DOP1B: variants seen among roughly 807,000 people sequenced by gnomAD.
DOP1B encodes protein DOP1B.
In DOP1B, 174 loss-of-function variants were observed where a neutral mutation model predicts 233.5. The ratio of observed to expected loss-of-function variants is 0.75; its 90% CI spans 0.66 to 0.85. The LOEUF (loss-of-function observed/expected upper bound fraction) is 0.85. Among genes scored for constraint, DOP1B ranks in the 40% least tolerant of loss-of-function variants. The pLI, the probability that DOP1B is intolerant of heterozygous loss-of-function variation, is 0.00. For synonymous variants in DOP1B, 1,190 were observed against 1,185.6 expected, an observed-to-expected ratio of 1.00 and a Z score of -0.08; for missense variants, 2,652 against 2,846.6, an observed-to-expected ratio of 0.93 and a Z score of 1.56.
At chr21:36,274,534 GGT>G (rs1156672219) in intron 27 of DOP1B, among the ~76,000 whole-genome samples, 1 of 152,174 alleles carries the variant, frequency 6.6e-6, no homozygotes, top group African/African-American at 2.4e-5. Context: ...CAGTCACTGA[GGT>G]GGGTGAACCA....
At chr21:36,158,038 A>G (rs1057365849) in intron 1 of DOP1B, among the ~76,000 whole-genome samples, 5 of 152,024 alleles carry the variant, frequency 3.3e-5, no homozygotes, top group Non-Finnish European at 5.9e-5. Context: ...GGCTCAAGCA[A>G]TCCTTCCACC....
intron 23 of DOP1B, 122 bp downstream of exon 23, chr21:36,254,031 C>G: frequency 7.7e-7 from 1 of 1,299,846 alleles, no homozygotes; most frequent in Non-Finnish European, 1.0e-6. Flanking sequence ...AGTGGGAATG[C>G]TTGGGGTAGT....
chr21:36,277,724 G>A (rs928421622), intron 28 of DOP1B, among the ~76,000 whole-genome samples: 2 of 149,250 alleles, frequency 1.3e-5, no homozygotes, highest in African/African-American at 4.9e-5. Context: ...GCGTGATCTC[G>A]GCTCACTGCA....
intron 1 of DOP1B, among the ~76,000 whole-genome samples, chr21:36,163,599 C>T (rs2835289): frequency 0.37 from 56,387 of 151,998 alleles, 10,598 homozygotes; most frequent in South Asian, 0.5. Flanking sequence ...CGTTCACTCA[C>T]GTTTAACTAT....
chr21:36,276,909 A>G (rs1024376050), intron 27 of DOP1B, 112 bp from the exon 28 acceptor site: 4 of 957,470 alleles, frequency 4.2e-6, no homozygotes, highest in Admixed American at 4.2e-5. Flanking sequence ...TATGGACACA[A>G]TTGGTATGAA....
chr21:36,174,809 A>AT (rs933866609), intron 2 of DOP1B, among the ~76,000 whole-genome samples: 3 of 151,814 alleles, frequency 2.0e-5, no homozygotes, highest in African/African-American at 7.2e-5. Context: ...CGGGATCCTG[A>AT]TTTTTTACCC....
At chr21:36,176,122 G>GTGTGTGTGT (rs55642925) in intron 2 of DOP1B, among the ~76,000 whole-genome samples, 4 of 150,878 alleles carry the variant, frequency 2.7e-5, no homozygotes, top group South Asian at 2.1e-4. Flanking sequence ...GTGTGTGTGT[G>GTGTGTGTGT]GTGATACAGT....
At chr21:36,292,648 G>A (rs2067573575) in intron 36 of DOP1B, among the ~76,000 whole-genome samples, 1 of 129,334 alleles carries the variant, frequency 7.7e-6, no homozygotes, top group Admixed American at 8.7e-5. Context: ...GTCTCACTCT[G>A]TTGCCCAGAC....
rs776552195 is a variant in DOP1B, at chr21:36,251,213, G to C, written c.5050G>C (p.Gly1684Arg). 2.9e-5 allele frequency: 47 copies of C among 1,613,990 alleles called. No individual in the cohort carries two copies. The highest frequency in any genetic ancestry group is 3.8e-5 in the Non-Finnish European group (45 of 1,180,018). The change falls in exon 22 of 37, where the codon GGG becomes CGG. Residue 1684 changes from glycine to arginine, a missense_variant. Transcript: ENST00000691173. ...CTTAAACCCCTTGACGGCCCATCTT[G>C]GGGTTCAGTTGACAGCGGCTGTTGC... The part of the protein sequence containing the change: ...DFLNPLTAHL[G>R]VQLTAAVAAV...
chr21:36,190,009 CA>C (rs541833307), intron 2 of DOP1B, among the ~76,000 whole-genome samples: 24,695 of 105,368 alleles, frequency 0.23, 2,067 homozygotes, highest in Admixed American at 0.24. Context: ...TACTCCGTCT[CA>C]AAAAAAAAAA....
At position 36,199,082 on chromosome 21, in the gene DOP1B, A is replaced by G. The variant is rs573227511; in HGVS notation, c.151A>G (p.Asn51Asp). The G allele has an allele frequency of 1.2e-6, 2 of 1,612,280 alleles. No individual in the cohort carries two copies. Among genetic ancestry groups the G allele is most frequent in the South Asian group, 2.2e-5 (2 of 90,630 alleles). ...TCTTGTTTGACAGGCTCTTCAGAGT[A>G]ACCTGAGGTACTCCTTGTTGCCAAG... Reference protein sequence around the residue: ...LGKLNKALQSNLRYSLLPRRL... With the variant: ...LGKLNKALQSDLRYSLLPRRL... Residue 51 changes from asparagine to aspartate, a missense_variant, in exon 3 of 37, where the codon AAC (asparagine) becomes GAC (aspartate). Asn to Asp is a conservative substitution (Grantham distance 23, BLOSUM62 1). Transcript: ENST00000691173.
chr21:36,246,500 T>C lies in DOP1B; in HGVS notation c.4520T>C (p.Leu1507Pro), dbSNP rs755364934. The part of the protein sequence containing the change: ...GLLVSAVVRG[L>P]QPAYGYGMHP... ...CTGGTCTCTGCGGTGGTGAGGGGTC[T>C]GCAGCCCGCCTACGGTTACGGCATG... Residue 1507 changes from leucine (L) to proline (P), a missense_variant, in exon 19 of 37, where the codon CTG (leucine) becomes CCG (proline). Leu to Pro is a moderately conservative substitution (Grantham distance 98, BLOSUM62 -3). This residue lies in a region of DOP1B where 2,617 missense variants were observed against 2,794.3 expected (regional missense o/e 0.94). Transcript: ENST00000691173. This position sits in a 1 kb window ranked among gnomAD's most constrained non-coding sequence, Gnocchi z 5.1. The C allele has an allele frequency of 6.2e-7, 1 of 1,614,164 alleles. No homozygotes were observed. The highest frequency in any genetic ancestry group is 1.1e-5 in the South Asian group (1 of 91,082).
intron 23 of DOP1B, among the ~76,000 whole-genome samples, chr21:36,258,033 T>G (rs1390233708): frequency 7.2e-6 from 1 of 138,338 alleles, no homozygotes; most frequent in African/African-American, 2.7e-5. Flanking sequence ...ATAGATGTAG[T>G]TAGATGTAGG....
intron 2 of DOP1B, among the ~76,000 whole-genome samples, chr21:36,180,039 C>A (rs547302015): frequency 6.6e-6 from 1 of 152,058 alleles, no homozygotes; most frequent in African/African-American, 2.4e-5. Context: ...ATGTGTTTAT[C>A]TAGCAGGACC....
chr21:36,223,631 A>G (rs934961560), intron 11 of DOP1B, among the ~76,000 whole-genome samples: 11 of 141,296 alleles, frequency 7.8e-5, no homozygotes, highest in African/African-American at 2.5e-4. Flanking sequence ...TTCTGGTTAC[A>G]TTCATCAAAT....
At chr21:36,167,293 C>T (rs2065921343) in intron 2 of DOP1B, among the ~76,000 whole-genome samples, 1 of 152,194 alleles carries the variant, frequency 6.6e-6, no homozygotes, top group Non-Finnish European at 1.5e-5. Context: ...CTGCCACAGC[C>T]TCCTGAGTAG....
At chr21:36,168,630 G>A (rs905862678) in intron 2 of DOP1B, among the ~76,000 whole-genome samples, 2 of 152,026 alleles carry the variant, frequency 1.3e-5, no homozygotes, top group East Asian at 1.9e-4. Context: ...GGGTTCAAGC[G>A]ATTCTCATCC....
At chr21:36,181,162 A>G (rs964626537) in intron 2 of DOP1B, among the ~76,000 whole-genome samples, 1 of 152,246 alleles carries the variant, frequency 6.6e-6, no homozygotes, top group Non-Finnish European at 1.5e-5. Flanking sequence ...TCCAAAATCA[A>G]TGTCCTCGAT....
chr21:36,169,736 T>C (rs2065954014), intron 2 of DOP1B: 2 of 1,084,704 alleles, frequency 1.8e-6, no homozygotes, highest in Non-Finnish European at 1.4e-6. Context: ...GCTGCTGAAG[T>C]CTTCTCCAGC....
Sources: allele counts gnomAD v4.1 joint callset (sites outside exome capture counted in the v4.1 genomes callset), GRCh38; gene constraint gnomAD v4.1.1; regional missense constraint gnomAD v4.1.1; non-coding constraint Gnocchi (gnomAD v3.1); transcripts MANE v1.5; gene names NCBI Gene and HGNC (gene_info 2026-07-23, HGNC 2026-07-21).